The following FRY variants were observed in gnomAD, a reference collection of about 807,000 sequenced individuals.
FRY encodes the protein protein furry homolog.
In FRY, 128 loss-of-function variants were observed where a neutral mutation model predicts 348.4. The ratio of observed to expected loss-of-function variants is 0.37; its 90% confidence interval spans 0.32 to 0.43. The LOEUF is 0.43. FRY is among the 20% of genes least tolerant of loss of function. The probability of loss-of-function intolerance (pLI) is 1.00; values close to 1 mark genes in which losing one functional copy is unlikely to be tolerated. For synonymous variants in FRY, 1,370 were observed against 1,374.7 expected, an observed-to-expected ratio of 1.00 and a Z score of 0.08; for missense variants, 2,736 against 3,695.2, an observed-to-expected ratio of 0.74 and a Z score of 6.73.
rs1486407215 is a variant in FRY at position 32,249,755 on chromosome 13, C to T, written c.7170+68C>T. ...ACCTGTTGAGTCCATGTGGCTGGGT[C>T]ATAAGGGATTCCCTCTCACCATCCC... On this transcript the variant is annotated intron_variant, in intron 49 of 60. Coordinates refer to ENST00000542859, the MANE Select transcript of FRY (RefSeq NM_023037.3). 3.6e-6 allele frequency: 5 copies of T among 1,397,560 alleles called. No homozygotes were observed. In the African/African-American group the frequency reaches 5.7e-5, roughly 16 times the overall value. 86.6% of individuals were successfully genotyped at this position (1,397,560 alleles called of 1,614,324 possible).
chr13:32,293,610 G>A (rs537911012), intron 59 of FRY, among the ~76,000 whole-genome samples: 21 of 152,140 alleles, frequency 1.4e-4, no homozygotes, highest in African/African-American at 4.8e-4. Flanking sequence ...ACCATCTTCC[G>A]TAGTATATTT....
intron 55 of FRY, among the ~76,000 whole-genome samples, chr13:32,269,747 G>A (rs970075343): frequency 6.6e-6 from 1 of 152,008 alleles, no homozygotes; most frequent in Non-Finnish European, 1.5e-5. Flanking sequence ...TGAGCAGAAG[G>A]TTAGGCAAAA....
rs1164634551 is a variant in FRY, at chr13:32,082,475, CA to C, written c.270+3444del. 3.3e-5 allele frequency among the ~76,000 whole-genome samples: 5 copies of C among 152,290 alleles called. No individual in the cohort carries two copies. In the East Asian group the frequency reaches 7.7e-4, roughly 23 times the overall value. The stretch of plus-strand genomic sequence containing the variant: ...CCTTTCCCAAGCAAAGTGTTCTAAA[CA>C]AGCTAATGGGGTCATCTGTGTCTCT... On this transcript the variant is annotated intron_variant, in intron 2 of 60. Transcript: ENST00000542859.
intron 4 of FRY, among the ~76,000 whole-genome samples, chr13:32,118,997 T>C (rs1878480296): frequency 6.6e-6 from 1 of 152,222 alleles, no homozygotes; most frequent in Non-Finnish European, 1.5e-5. Flanking sequence ...TTGCTGAAAT[T>C]AGATTTTTCA....
At chr13:32,220,435 G>C (rs1458332226) in intron 36 of FRY, among the ~76,000 whole-genome samples, 3 of 152,214 alleles carry the variant, frequency 2.0e-5, no homozygotes, top group Non-Finnish European at 4.4e-5. Context: ...GTAAAATAAA[G>C]CTGTTTGTGT....
chr13:32,195,562 T>C (rs1317515511), intron 29 of FRY, among the ~76,000 whole-genome samples: 1 of 152,244 alleles, frequency 6.6e-6, no homozygotes, highest in Non-Finnish European at 1.5e-5. Flanking sequence ...TGAACTTGGC[T>C]TGAGCTATCC....
intron 10 of FRY, among the ~76,000 whole-genome samples, chr13:32,135,760 G>A (rs1879676768): frequency 2.6e-5 from 4 of 152,202 alleles, no homozygotes; most frequent in African/African-American, 9.6e-5. Flanking sequence ...ATCGGCGAGT[G>A]ATGTAACAGC....
chr13:32,146,368 G>A lies in FRY; in HGVS notation c.1180-914G>A, dbSNP rs58702913. ...TCTGTTTTTTTTGAGACAGAGTCTC[G>A]CTCTGTCGCCCAGGCTGGAGCGCAG... is the stretch of plus-strand genomic sequence containing the variant. On this transcript the variant is annotated intron_variant, in intron 11 of 60. Coordinates refer to ENST00000542859, the MANE Select transcript of FRY (RefSeq NM_023037.3). 2.2e-3 allele frequency among the ~76,000 whole-genome samples: 328 copies of A among 152,032 alleles called. 1 individual carries two copies. The highest frequency in any genetic ancestry group is 7.4e-3 in the African/African-American group (308 of 41,490).
intron 2 of FRY, among the ~76,000 whole-genome samples, chr13:32,100,382 A>G (rs1368400615): frequency 6.6e-6 from 1 of 152,004 alleles, no homozygotes; most frequent in Non-Finnish European, 1.5e-5. Flanking sequence ...CCTGGCCGTG[A>G]CTTTTTATTA....
chr13:32,201,301 T>A (rs1884012924), intron 29 of FRY, among the ~76,000 whole-genome samples: 1 of 152,216 alleles, frequency 6.6e-6, no homozygotes, highest in South Asian at 2.1e-4. Flanking sequence ...TTTACTTGTT[T>A]CCTCTTCAGA....
chr13:32,281,365 T>G (rs543730182), intron 58 of FRY, among the ~76,000 whole-genome samples: 1 of 152,322 alleles, frequency 6.6e-6, no homozygotes, highest in South Asian at 2.1e-4. Flanking sequence ...TTCTCTAGCT[T>G]AATTTTGGAA....
At chr13:32,149,885 A>G (rs1021709779) in intron 14 of FRY, 51 bp downstream of exon 14, 1 of 1,135,160 alleles carries the variant, frequency 8.8e-7, no homozygotes, top group Non-Finnish European at 1.3e-6. Flanking sequence ...TTCCGGAGCC[A>G]TACCTTTGCT....
chr13:32,099,419 A>G (rs1046109737), intron 2 of FRY, among the ~76,000 whole-genome samples: 4 of 151,426 alleles, frequency 2.6e-5, no homozygotes, highest in Non-Finnish European at 4.4e-5. Flanking sequence ...GAGGCTTAAA[A>G]AGCAATACCG....
At position 32,124,879 on chromosome 13, in the gene FRY, A is replaced by G; in HGVS notation, c.716+4A>G. 6.3e-7 allele frequency: 1 copy of G among 1,592,270 alleles called. No homozygotes were observed. Among genetic ancestry groups the G allele is most frequent in the East Asian group, 2.2e-5 (1 of 44,780 alleles). ...TTGGAGTGTTGGCACAAGCCAAGTAAGTGAATGCCAGAACCCTTTACCATG... is the reference window on the plus strand; with the variant it reads ...TTGGAGTGTTGGCACAAGCCAAGTAGGTGAATGCCAGAACCCTTTACCATG... On this transcript the variant is annotated splice_donor_region_variant and intron_variant, in intron 7 of 60. Coordinates refer to ENST00000542859, the MANE Select transcript of FRY (RefSeq NM_023037.3).
intron 29 of FRY, 31 bp downstream of exon 29, chr13:32,194,328 C>T (rs1453973764): frequency 1.2e-6 from 2 of 1,601,688 alleles, no homozygotes; most frequent in African/African-American, 1.3e-5. Flanking sequence ...TGATGAGTGG[C>T]AAGTATGTTT....
At chr13:32,166,537 T>G (rs771665736) in intron 17 of FRY, among the ~76,000 whole-genome samples, 2 of 152,226 alleles carry the variant, frequency 1.3e-5, no homozygotes, top group Non-Finnish European at 2.9e-5. Flanking sequence ...TTTAGATAGC[T>G]ATTTTTTTCC....
intron 1 of FRY, among the ~76,000 whole-genome samples, chr13:32,069,718 A>AT (rs966234953): frequency 3.3e-5 from 5 of 152,020 alleles, no homozygotes; most frequent in Non-Finnish European, 5.9e-5. Flanking sequence ...GATTCCACTA[A>AT]TTTTTTTTAT....
intron 1 of FRY, among the ~76,000 whole-genome samples, chr13:32,047,174 A>G (rs1405375480): frequency 6.6e-6 from 1 of 152,246 alleles, no homozygotes; most frequent in Non-Finnish European, 1.5e-5. Flanking sequence ...AGTGTTTAGC[A>G]TATTCACTAT....
At chr13:32,249,405 C>T in intron 48 of FRY, 121 bp from the exon 49 acceptor site, 1 of 1,069,598 alleles carries the variant, frequency 9.3e-7, no homozygotes, top group East Asian at 2.6e-5. Context: ...ACTTGTAACA[C>T]TGAACTTCTC....
Sources: allele counts gnomAD v4.1 joint callset (sites outside exome capture counted in the v4.1 genomes callset), GRCh38; gene constraint gnomAD v4.1.1; transcripts MANE v1.5; gene names NCBI Gene and HGNC (gene_info 2026-07-23, HGNC 2026-07-21).